The following SMAD9 variants were observed in gnomAD, a reference collection of about 807,000 sequenced individuals.
SMAD9 encodes MAD homolog 9.
A neutral mutation model predicts 46.1 loss-of-function variants in SMAD9; 36 were observed. That is an observed-to-expected ratio of 0.78 (90% CI 0.60 to 1.03). The LOEUF is 1.03. Among genes scored for constraint, SMAD9 ranks in the 50% least tolerant of loss-of-function variants. The pLI is 0.00. For missense variants in SMAD9, 572 were observed against 599.8 expected (o/e 0.95, Z 0.48); for synonymous variants, 245 against 237.1 (o/e 1.03, Z -0.31).
At chr13:36,888,209 A>G (rs1373444641) in intron 1 of SMAD9, among the ~76,000 whole-genome samples, 2 of 152,112 alleles carry the variant, frequency 1.3e-5, no homozygotes, top group Admixed American at 1.3e-4. Context: ...TTGTCGAGGG[A>G]GGGATCTGGT....
Position 36,846,089 on chromosome 13 carries a change from T to G in SMAD9, c.*2587A>C, listed in dbSNP as rs1053272281. On this transcript the variant is annotated 3_prime_UTR_variant, in exon 7 of 7. Coordinates refer to ENST00000379826, the MANE Select transcript of SMAD9 (RefSeq NM_001127217.3). The stretch of plus-strand genomic sequence containing the variant: ...ATCCTCCCGCCTTGGCCTCCCAAAG[T>G]GCTGGGACTATAGGAATGAGCCACT... 2.0e-5 allele frequency: 3 copies of G among 152,048 alleles called. No individual in the cohort carries two copies. The highest frequency in any genetic ancestry group is 4.4e-5 in the Non-Finnish European group (3 of 68,026). The allele number at this position is 152,048 out of a possible 1,614,324, so 9.4% of individuals were successfully genotyped here.
At chr13:36,909,391 A>G (rs918526319) in intron 1 of SMAD9, among the ~76,000 whole-genome samples, 8 of 152,248 alleles carry the variant, frequency 5.3e-5, no homozygotes, top group Non-Finnish European at 8.8e-5. Flanking sequence ...ATAAGCCAAC[A>G]TAACAGTGAT....
chr13:36,844,859 A>AATC lies in SMAD9; in HGVS notation c.*3814_*3816dup, dbSNP rs2058028579. 6.6e-6 allele frequency: 1 copy of AATC among 152,186 alleles called. No homozygotes were observed. Among genetic ancestry groups the AATC allele is most frequent in the African/African-American group, 2.4e-5 (1 of 41,438 alleles). The allele number at this position is 152,186 out of a possible 1,614,324, so 9.4% of individuals were successfully genotyped here. ...AAGTACAGTATTCTTTATTATAAAC[A>AATC]ATCAGATAACAGTATAAGTGTGCAT... is the stretch of plus-strand genomic sequence containing the variant. On this transcript the variant is annotated 3_prime_UTR_variant, in exon 7 of 7. Coordinates refer to ENST00000379826, the MANE Select transcript of SMAD9 (RefSeq NM_001127217.3).
chr13:36,913,484 G>C (rs972602353), intron 1 of SMAD9, among the ~76,000 whole-genome samples: 3 of 151,936 alleles, frequency 2.0e-5, no homozygotes, highest in Non-Finnish European at 4.4e-5. Flanking sequence ...CCACAAAATT[G>C]CAACACTTTA....
intron 5 of SMAD9, among the ~76,000 whole-genome samples, chr13:36,854,954 C>T (rs1471143950): frequency 6.6e-6 from 1 of 152,052 alleles, no homozygotes; most frequent in Non-Finnish European, 1.5e-5. Context: ...ATATAGCCTA[C>T]ATCACTTTAT....
intron 5 of SMAD9, among the ~76,000 whole-genome samples, chr13:36,859,560 C>T (rs2058159427): frequency 6.6e-6 from 1 of 152,170 alleles, no homozygotes; most frequent in East Asian, 1.9e-4. Flanking sequence ...CCACCAGTGC[C>T]ATGACAATTT....
chr13:36,877,882 A>T lies in SMAD9; in HGVS notation c.412+1396T>A, dbSNP rs2058360828. On this transcript the variant is annotated intron_variant, in intron 2 of 6. Transcript: ENST00000379826. ...TAAATCACTTATTGGATACTGTTTTAAGGTTAAGTGAACCTGCCTACGTAG... is the reference window on the plus strand; with the variant it reads ...TAAATCACTTATTGGATACTGTTTTTAGGTTAAGTGAACCTGCCTACGTAG... 2.0e-5 allele frequency among the ~76,000 whole-genome samples: 3 copies of T among 152,134 alleles called. No individual in the cohort carries two copies. The South Asian group carries it at 6.2e-4, about 32-fold the overall frequency.
rs1404803401 is a variant in SMAD9 at position 36,879,608 on chromosome 13, C to G, written c.82G>C (p.Asp28His). 6.2e-7 allele frequency: 1 copy of G among 1,614,094 alleles called. No individual in the cohort carries two copies. Among genetic ancestry groups the G allele is most frequent in the Non-Finnish European group, 8.5e-7 (1 of 1,180,044 alleles). Residue 28 changes from aspartate to histidine, a missense_variant, in exon 2 of 7, where the codon GAT becomes CAT. Asp to His is a moderately conservative substitution (Grantham distance 81). Coordinates refer to ENST00000379826, the MANE Select transcript of SMAD9 (RefSeq NM_001127217.3). Reference sequence around the variant, plus strand: ...TTCTCTGCCCACTTTTCCTCTTCATCTCCTTGCTTCCAGCCTAGCAGTCTC... The same window carrying G: ...TTCTCTGCCCACTTTTCCTCTTCATGTCCTTGCTTCCAGCCTAGCAGTCTC... ...VKRLLGWKQG[D>H]EEEKWAEKAV...
chr13:36,882,237 G>GTGTGTA (rs1294217591), intron 1 of SMAD9, among the ~76,000 whole-genome samples: 1 of 147,876 alleles, frequency 6.8e-6, no homozygotes, highest in Non-Finnish European at 1.5e-5. Context: ...CTGTGTGTGT[G>GTGTGTA]TGTGTGTGTG....
intron 1 of SMAD9, among the ~76,000 whole-genome samples, chr13:36,903,420 C>T (rs975400409): frequency 8.5e-5 from 13 of 152,262 alleles, no homozygotes; most frequent in African/African-American, 2.4e-4. Context: ...CCACCACACC[C>T]GGCCTGGAGG....
intron 1 of SMAD9, among the ~76,000 whole-genome samples, chr13:36,908,696 G>T (rs1048203766): frequency 6.6e-6 from 1 of 151,932 alleles, no homozygotes; most frequent in Non-Finnish European, 1.5e-5. Context: ...CATAATAATC[G>T]CATCTGATAA....
chr13:36,853,860 A>T (rs536613834), intron 5 of SMAD9, among the ~76,000 whole-genome samples, 185 bp from the exon 6 acceptor site: 1 of 152,214 alleles, frequency 6.6e-6, no homozygotes, highest in African/African-American at 2.4e-5. Flanking sequence ...CCACAAATCC[A>T]TTTAAAAGTG....
intron 3 of SMAD9, 144 bp downstream of exon 3, chr13:36,872,514 A>G: frequency 3.1e-6 from 3 of 973,146 alleles, no homozygotes; most frequent in Non-Finnish European, 4.8e-6. Context: ...GTATAGTCCT[A>G]ATCATTTTAA....
rs140527172 is a variant in SMAD9, at chr13:36,879,654, G to A, written c.36C>T (p.Ser12=). The change falls in exon 2 of 7, where the codon TCC becomes TCT. Residue 12 remains serine, a synonymous_variant. Transcript: ENST00000379826. ...GTCTCTTCACTGCGGGGCTGGTGAA[G>A]GAGAAGAGGGAGCTGATGGGGGTGG... ...HSTTPISSLF[S]FTSPAVKRLL... 5.9e-5 allele frequency: 96 copies of A among 1,613,886 alleles called. 1 individual carries two copies. The highest frequency in any genetic ancestry group is 4.9e-4 in the Middle Eastern group (3 of 6,084).
intron 1 of SMAD9, among the ~76,000 whole-genome samples, chr13:36,906,391 A>C (rs1284193510): frequency 6.6e-6 from 1 of 152,188 alleles, no homozygotes; most frequent in East Asian, 1.9e-4. Flanking sequence ...ATGGAAAAAA[A>C]TGCAGTTTCT....
intron 1 of SMAD9, among the ~76,000 whole-genome samples, chr13:36,890,332 A>G (rs745678406): frequency 1.6e-3 from 246 of 152,328 alleles, no homozygotes; most frequent in Non-Finnish European, 3.0e-3. Context: ...TGTTAAGCAA[A>G]CTGTAAAACA....
At chr13:36,848,918 CG>C (rs2058053619) in intron 6 of SMAD9, 99 bp from the exon 7 acceptor site, 3 of 1,199,602 alleles carry the variant, frequency 2.5e-6, no homozygotes, top group Non-Finnish European at 3.6e-6. Context: ...CACACCCCAG[CG>C]TAGCTCCTGA....
intron 5 of SMAD9, among the ~76,000 whole-genome samples, chr13:36,855,496 G>T (rs950919344): frequency 6.6e-6 from 1 of 152,140 alleles, no homozygotes; most frequent in Non-Finnish European, 1.5e-5. Context: ...TCCAGCACTA[G>T]AAGTCAATGT....
chr13:36,871,122 T>C (rs902742322), intron 3 of SMAD9, among the ~76,000 whole-genome samples: 1 of 152,212 alleles, frequency 6.6e-6, no homozygotes, highest in African/African-American at 2.4e-5. Flanking sequence ...TCACTGCACC[T>C]CTAGCACTGG....
Sources: gnomAD v4.1 joint callset for allele counts (sites outside exome capture counted in the v4.1 genomes callset) on GRCh38, gnomAD v4.1.1 for gene constraint, MANE v1.5 for transcripts, NCBI Gene and HGNC (gene_info 2026-07-23, HGNC 2026-07-21) for gene names.